The following SEPTIN3 variants were observed in gnomAD, a reference collection of about 807,000 sequenced individuals.
SEPTIN3 encodes the protein septin 3, also known as neuronal-specific septin-3.
In SEPTIN3, 15 loss-of-function variants were observed where a neutral mutation model predicts 45.1. The observed-to-expected ratio is 0.33, with a 90% CI of 0.22 to 0.51. The LOEUF (loss-of-function observed/expected upper bound fraction) is 0.51, where lower values mean the gene tolerates loss of function less well. Ranked by LOEUF, SEPTIN3 falls within the 20% of genes least tolerant of loss-of-function variation. The pLI, the probability that SEPTIN3 is intolerant of heterozygous loss-of-function variation, is 0.97. For missense variants in SEPTIN3, 289 were observed against 457.2 expected (o/e 0.63, Z 3.35); for synonymous variants, 148 against 164.8 (o/e 0.90, Z 0.78).
rs772649556 is a variant in SEPTIN3, at chr22:41,987,779, CT to C, written c.2045+21del. On this transcript the variant is annotated intron_variant, in intron 6 of 11. Transcript: ENST00000644076. ...ACACTCGTATGTACCAACCCTACCC[CT>C]ATTGTCAGGCCTGGTCTGGTTTGTA... The C allele has an allele frequency of 8.7e-6, 14 of 1,600,752 alleles. No individual in the cohort carries two copies. The African/African-American group carries it at 1.6e-4, about 18-fold the overall frequency.
chr22:41,979,898 C>A (rs748674143), intron 2 of SEPTIN3, among the ~76,000 whole-genome samples: 1 of 152,132 alleles, frequency 6.6e-6, no homozygotes, highest in Non-Finnish European at 1.5e-5. Flanking sequence ...TCAGGCCTCC[C>A]TGTAAGGTTG....
chr22:41,977,853 A>T (rs778938254), intron 2 of SEPTIN3, among the ~76,000 whole-genome samples: 76 of 152,186 alleles, frequency 5.0e-4, no homozygotes, highest in Non-Finnish European at 8.1e-4. Context: ...TTTGCTTAGC[A>T]TGGGAATGGA....
chr22:41,986,020 C>T lies in SEPTIN3; in HGVS notation c.1733C>T (p.Thr578Met), dbSNP rs980795281. 2.5e-6 allele frequency: 4 copies of T among 1,613,078 alleles called. No individual in the cohort carries two copies. The highest frequency in any genetic ancestry group is 3.4e-6 in the Non-Finnish European group (4 of 1,179,548). ...SGLGKSTLVNTLFKSQVSRKA... is the reference protein window; with the variant it reads ...SGLGKSTLVNMLFKSQVSRKA... ...CTGGGCAAATCAACGCTGGTCAACA[C>T]GCTCTTCAAATCCCAAGTGAGCCGC... The change falls in exon 4 of 12, where the codon ACG becomes ATG. Residue 578 changes from threonine (T) to methionine (M), a missense_variant. By Grantham distance (81) the Thr-to-Met change is moderately conservative. Around this residue, in one of 3 missense-constraint regions of SEPTIN3, gnomAD observed 200 missense variants for 315.1 expected, o/e 0.63. Coordinates refer to ENST00000644076, the MANE Select transcript of SEPTIN3 (RefSeq NM_001363845.2).
intron 5 of SEPTIN3, 91 bp downstream of exon 5, chr22:41,987,378 G>T: frequency 1.6e-6 from 2 of 1,268,226 alleles, no homozygotes; most frequent in Non-Finnish European, 2.2e-6. Flanking sequence ...AGAACCATCT[G>T]CACCCTCCAT....
intron 7 of SEPTIN3, 107 bp from the exon 8 acceptor site, chr22:41,991,466 A>G (rs936601715): frequency 3.8e-6 from 3 of 788,212 alleles, no homozygotes; most frequent in Admixed American, 3.6e-5. Context: ...TGGATTATCC[A>G]AGGCTGGATT....
At chr22:41,984,026 C>A (rs1323885263) in intron 3 of SEPTIN3, among the ~76,000 whole-genome samples, 1 of 152,192 alleles carries the variant, frequency 6.6e-6, no homozygotes, top group East Asian at 1.9e-4. Flanking sequence ...CTTCTCTCCC[C>A]AGTGGTGTGC....
chr22:41,982,614 C>T (rs1304739939), intron 3 of SEPTIN3, among the ~76,000 whole-genome samples: 1 of 142,588 alleles, frequency 7.0e-6, no homozygotes. Context: ...AGGGGCTGGG[C>T]ATGGTGGCTC....
chr22:41,996,800 C>A, intron 11 of SEPTIN3, 102 bp from the exon 12 acceptor site: 1 of 1,555,208 alleles, frequency 6.4e-7, no homozygotes, highest in Non-Finnish European at 8.7e-7. Context: ...TGGTGCCTGG[C>A]ACCCCTGAAC....
Position 41,972,749 on chromosome 22 carries a change from G to A in SEPTIN3, c.1257G>A (p.Thr419=), listed in dbSNP as rs1191923153. The A allele has an allele frequency of 5.0e-6, 2 of 398,978 alleles. No homozygotes were observed. Among genetic ancestry groups the A allele is most frequent in the Non-Finnish European group, 8.8e-6 (2 of 226,114 alleles). The allele number at this position is 398,978 out of a possible 1,614,324, so 24.7% of individuals were successfully genotyped here. Residue 419 remains threonine, a synonymous_variant, in exon 2 of 12, where the codon ACG becomes ACA. Coordinates refer to ENST00000644076, the MANE Select transcript of SEPTIN3 (RefSeq NM_001363845.2). Reference sequence around the variant, plus strand: ...GAGTGAACAGAGCCAAGCTGGGCACGGCTAAGAATTCTCTTGCTTTGGACA... The same window carrying A: ...GAGTGAACAGAGCCAAGCTGGGCACAGCTAAGAATTCTCTTGCTTTGGACA... ...LARVNRAKLG[T]AKNSLALDTS...
chr22:41,971,220 A>G (rs969744459), intron 1 of SEPTIN3, among the ~76,000 whole-genome samples: 1 of 152,048 alleles, frequency 6.6e-6, no homozygotes, highest in Non-Finnish European at 1.5e-5. Context: ...TGCTCACTGG[A>G]CGTGCCCACC....
chr22:41,988,037 TC>T (rs1418528670), intron 6 of SEPTIN3, among the ~76,000 whole-genome samples: 1 of 152,132 alleles, frequency 6.6e-6, no homozygotes, highest in East Asian at 1.9e-4. Context: ...CACAACTGTA[TC>T]AGCAAAGAGG....
intron 8 of SEPTIN3, 104 bp downstream of exon 8, chr22:41,991,772 C>G: frequency 1.2e-6 from 1 of 837,650 alleles, no homozygotes; most frequent in Non-Finnish European, 2.1e-6. Flanking sequence ...GTACTCCCCC[C>G]AACCTTGCCT....
rs963946476 is a variant in SEPTIN3, at chr22:41,981,499, T to C, written c.1505-146T>C. 23 of 614,836 alleles carry C rather than the reference T, an allele frequency of 3.7e-5. No homozygotes were observed. In the African/African-American group the frequency reaches 3.9e-4, roughly 10 times the overall value. The allele number at this position is 614,836 out of a possible 1,614,324, so 38.1% of individuals were successfully genotyped here. Reference sequence around the variant, plus strand: ...GGCCTCAGTCTCTTTGTCTATGAAATGAGGGACCTGGACTGGATGATACTA... The same window carrying C: ...GGCCTCAGTCTCTTTGTCTATGAAACGAGGGACCTGGACTGGATGATACTA... On this transcript the variant is annotated intron_variant, in intron 2 of 11. Coordinates refer to ENST00000644076, the MANE Select transcript of SEPTIN3 (RefSeq NM_001363845.2).
intron 9 of SEPTIN3, among the ~76,000 whole-genome samples, chr22:41,993,763 G>A (rs1478074705): frequency 2.0e-5 from 3 of 152,132 alleles, no homozygotes; most frequent in Non-Finnish European, 2.9e-5. Context: ...CAAAGTGCTG[G>A]GATTACAGGC....
chr22:41,997,841 A>G lies in SEPTIN3; in HGVS notation c.*874A>G, dbSNP rs1163164291. On this transcript the variant is annotated 3_prime_UTR_variant, in exon 12 of 12. Coordinates refer to ENST00000644076, the MANE Select transcript of SEPTIN3 (RefSeq NM_001363845.2). Reference sequence around the variant, plus strand: ...ACAGGTGGTCACTGTAGGCTAATGGAAAATACCCAAGGGAGGGCAAAGCCC... The same window carrying G: ...ACAGGTGGTCACTGTAGGCTAATGGGAAATACCCAAGGGAGGGCAAAGCCC... The G allele has an allele frequency of 6.6e-6, 1 of 152,620 alleles. No homozygotes were observed. The highest frequency in any genetic ancestry group is 1.5e-5 in the Non-Finnish European group (1 of 68,058). 9.5% of individuals were successfully genotyped at this position (152,620 alleles called of 1,614,324 possible).
chr22:41,992,041 G>T (rs1263795762), intron 8 of SEPTIN3, among the ~76,000 whole-genome samples: 2 of 152,134 alleles, frequency 1.3e-5, no homozygotes, highest in Non-Finnish European at 2.9e-5. Context: ...AAATGCAGGG[G>T]TTAGACTGAG....
In SEPTIN3 at chr22:41,986,021, G is replaced by A. The variant is rs370179501; in HGVS notation, c.1734G>A (p.Thr578=). 6.1e-5 allele frequency: 99 copies of A among 1,613,088 alleles called. No individual in the cohort carries two copies. The highest frequency in any genetic ancestry group is 7.5e-5 in the Non-Finnish European group (89 of 1,179,552). Residue 578 remains threonine (T), a synonymous_variant, in exon 4 of 12, where the codon ACG becomes ACA. Coordinates refer to ENST00000644076, the MANE Select transcript of SEPTIN3 (RefSeq NM_001363845.2). ...SGLGKSTLVN[T]LFKSQVSRKA... is the part of the protein sequence containing the mutation. ...TGGGCAAATCAACGCTGGTCAACACGCTCTTCAAATCCCAAGTGAGCCGCA... is the reference window on the plus strand; with the variant it reads ...TGGGCAAATCAACGCTGGTCAACACACTCTTCAAATCCCAAGTGAGCCGCA...
At position 41,971,724 on chromosome 22, in the gene SEPTIN3, C is replaced by T. The variant is rs955185767; in HGVS notation, c.232C>T (p.Arg78Trp). ...CCGGCTGGGCCTTGGAGCCAGGACCCGGAGTGTGCCCCCACAGGAGACGGG... is the reference window on the plus strand; with the variant it reads ...CCGGCTGGGCCTTGGAGCCAGGACCTGGAGTGTGCCCCCACAGGAGACGGG... ...SSRLGLGART[R>W]SVPPQETGIA... Residue 78 changes from arginine (R) to tryptophan (W), a missense_variant, in exon 2 of 12, where the codon CGG (arginine) becomes TGG (tryptophan). By Grantham distance (101) the Arg-to-Trp change is moderately radical. Transcript: ENST00000644076. 2.0e-5 allele frequency: 8 copies of T among 399,146 alleles called. No homozygotes were observed. The highest frequency in any genetic ancestry group is 1.3e-4 in the South Asian group (1 of 7,868). 24.7% of individuals were successfully genotyped at this position (399,146 alleles called of 1,614,324 possible). A position where few individuals can be genotyped will look rare whatever the true frequency, so the allele number is the denominator to read the frequency against.
chr22:41,972,525 A>G lies in SEPTIN3; in HGVS notation c.1033A>G (p.Lys345Glu). 1 of 399,068 alleles carries G rather than the reference A, an allele frequency of 2.5e-6. No individual in the cohort carries two copies. Among genetic ancestry groups the G allele is most frequent in the Non-Finnish European group, 4.4e-6 (1 of 226,080 alleles). 24.7% of individuals were successfully genotyped at this position (399,068 alleles called of 1,614,324 possible). Residue 345 changes from lysine (K) to glutamate (E), a missense_variant, in exon 2 of 12, where the codon AAG (lysine) becomes GAG (glutamate). Coordinates refer to ENST00000644076, the MANE Select transcript of SEPTIN3 (RefSeq NM_001363845.2). Reference protein sequence around the residue: ...AMNLTTVGTTKPGMVMDLIAS... With the variant: ...AMNLTTVGTTEPGMVMDLIAS... ...GAATCTGACTACAGTTGGGACAACC[A>G]AGCCAGGGATGGTCATGGATTTGAT...
Sources: gnomAD v4.1 joint callset for allele counts (sites outside exome capture counted in the v4.1 genomes callset) on GRCh38, gnomAD v4.1.1 for gene constraint, gnomAD v4.1.1 regional missense constraint, MANE v1.5 for transcripts, NCBI Gene and HGNC (gene_info 2026-07-23, HGNC 2026-07-21) for gene names.